Variants in OXA1L observed in about 807,000 individuals in gnomAD.
OXA1L encodes the protein OXA1L mitochondrial inner membrane insertase, also known as mitochondrial inner membrane protein OXA1L.
In OXA1L, 42 loss-of-function variants were observed where a neutral mutation model predicts 52.2. The observed-to-expected ratio is 0.80, with a 90% CI of 0.63 to 1.04. The LOEUF (loss-of-function observed/expected upper bound fraction) is 1.04. Among genes scored for constraint, OXA1L ranks in the 50% least tolerant of loss-of-function variants. The pLI, the probability that OXA1L is intolerant of heterozygous loss-of-function variation, is 0.00. For missense variants in OXA1L, 572 were observed against 555.0 expected, an observed-to-expected ratio of 1.03 and a Z score of -0.31; for synonymous variants, 239 against 201.9, an observed-to-expected ratio of 1.18 and a Z score of -1.56.
Position 22,766,750 on chromosome 14 carries a change from C to T in OXA1L, c.49C>T (p.Gln17Ter), listed in dbSNP as rs780999992. 3 of 1,614,260 alleles carry T rather than the reference C, an allele frequency of 1.9e-6. No homozygotes were observed. The South Asian group carries it at 3.3e-5, about 18-fold the overall frequency. ...CGRRELLRLL[Q>*]SGRRVHSVAG... ...ACGCCGGGAGCTTCTGCGCTTGCTA[C>T]AGTCCGGGCGTCGGGTAAGGATGCC... The change falls in exon 1 of 10, where the codon CAG becomes TAG. Residue 17 changes from glutamine (Q) to a stop codon, truncating the protein, a stop_gained. Transcript: ENST00000612549. LOFTEE classifies it high-confidence loss of function.
At chr14:22,769,706 C>T in intron 3 of OXA1L, 85 bp from the exon 4 acceptor site, 1 of 1,401,828 alleles carries the variant, frequency 7.1e-7, no homozygotes, top group South Asian at 1.2e-5. Context: ...AGAATAAGAC[C>T]CTTTCAGTAA....
chr14:22,771,243 G>C lies in OXA1L; in HGVS notation c.1103-25G>C, dbSNP rs748021968. On this transcript the variant is annotated intron_variant, in intron 8 of 9. Coordinates refer to ENST00000612549, the MANE Select transcript of OXA1L (RefSeq NM_005015.5). ...GGGGTCTAAAAATAGGAATGCAACT[G>C]ACTCTCTTGCTTCTCTTTACACAGG... is the stretch of plus-strand genomic sequence containing the variant. 11 of 1,613,318 alleles carry C rather than the reference G, an allele frequency of 6.8e-6. No homozygotes were observed. The East Asian group carries it at 2.5e-4, about 36-fold the overall frequency.
rs1212803888 is a variant in OXA1L, at chr14:22,772,396, GGAGAATGGC to G, written c.*840_*848del. 2.0e-5 allele frequency: 3 copies of G among 148,484 alleles called. No homozygotes were observed. Among genetic ancestry groups the G allele is most frequent in the African/African-American group, 7.5e-5 (3 of 39,938 alleles). 9.2% of individuals were successfully genotyped at this position (148,484 alleles called of 1,614,324 possible). On this transcript the variant is annotated 3_prime_UTR_variant, in exon 10 of 10. Transcript: ENST00000612549. ...CCCAGCTACTTGGGAGGCTGAGGCAGGAGAATGGCGTGAACCCAGGAGGCAGAGCTTGCA... is the reference window on the plus strand; with the variant it reads ...CCCAGCTACTTGGGAGGCTGAGGCAGGTGAACCCAGGAGGCAGAGCTTGCA...
In OXA1L at chr14:22,767,119, A is replaced by T. The variant is rs533659792; in HGVS notation, c.64-129A>T. On this transcript the variant is annotated intron_variant, in intron 1 of 9. Transcript: ENST00000612549. ...GGGCTAGCGGTCTGCGCGCGGTGAT[A>T]GCAATGTCCTCCCCTGTAGTGGCCG... The T allele has an allele frequency of 2.0e-6, 3 of 1,535,350 alleles. No individual in the cohort carries two copies. The East Asian group carries it at 7.2e-5, about 37-fold the overall frequency.
At position 22,772,509 on chromosome 14, in the gene OXA1L, A is replaced by C. The variant is rs1434277314; in HGVS notation, c.*951A>C. On this transcript the variant is annotated 3_prime_UTR_variant, in exon 10 of 10. Coordinates refer to ENST00000612549, the MANE Select transcript of OXA1L (RefSeq NM_005015.5). ...TTCTCAAAAAAAAAAAAAAAAAAAA[A>C]AAAAAAAAAACAGTTTAAACTTCCA... 1 of 107,954 alleles carries C rather than the reference A, an allele frequency of 9.3e-6. No homozygotes were observed. Among genetic ancestry groups the C allele is most frequent in the African/African-American group, 3.2e-5 (1 of 31,704 alleles). The allele number at this position is 107,954 out of a possible 1,614,324, so 6.7% of individuals were successfully genotyped here. A position where few individuals can be genotyped will look rare whatever the true frequency, so the allele number is the denominator to read the frequency against.
chr14:22,771,341 A>G lies in OXA1L; in HGVS notation c.1176A>G (p.Ala392=). ...GCATGCGGAATCAGTTGGAGCTAGC[A>G]GCCAGGGGTAAATAGTCCTTTCAGG... ...EQRMRNQLEL[A]ARGPLRQTFT... The change falls in exon 9 of 10, where the codon GCA becomes GCG. Residue 392 remains alanine, a synonymous_variant. Coordinates refer to ENST00000612549, the MANE Select transcript of OXA1L (RefSeq NM_005015.5). 1 of 1,614,216 alleles carries G rather than the reference A, an allele frequency of 6.2e-7. No homozygotes were observed. Among genetic ancestry groups the G allele is most frequent in the Non-Finnish European group, 8.5e-7 (1 of 1,179,996 alleles).
At chr14:22,768,314 C>A in intron 3 of OXA1L, 143 bp downstream of exon 3, 1 of 640,348 alleles carries the variant, frequency 1.6e-6, no homozygotes, top group South Asian at 1.8e-5. Flanking sequence ...TTCATGATAC[C>A]TAGATGCACT....
intron 1 of OXA1L, chr14:22,767,023 C>G (rs764420827): frequency 1.3e-6 from 2 of 1,535,866 alleles, no homozygotes; most frequent in East Asian, 2.4e-5. Flanking sequence ...CGATGTGGGT[C>G]TGCGATAACT....
Position 22,772,160 on chromosome 14 carries a change from A to G in OXA1L, c.*602A>G, listed in dbSNP as rs981129122. 6 of 152,300 alleles carry G rather than the reference A, an allele frequency of 3.9e-5. No individual in the cohort carries two copies. Among genetic ancestry groups the G allele is most frequent in the African/African-American group, 1.5e-4 (6 of 41,202 alleles). 9.4% of individuals were successfully genotyped at this position (152,300 alleles called of 1,614,324 possible). ...TGCTTTTGCTGGCCCATGGCCTTGG[A>G]AAATATAATGTTTTAACCTGGCATT... On this transcript the variant is annotated 3_prime_UTR_variant, in exon 10 of 10. Coordinates refer to ENST00000612549, the MANE Select transcript of OXA1L (RefSeq NM_005015.5).
In OXA1L at chr14:22,772,324, A is replaced by AATAC. The variant is rs1555319760; in HGVS notation, c.*767_*768insTACA. ...ATGGTGAAACCCCGTCTCTACTAAA[A>AATAC]AAAAAAAAAAAAAAATTAGCCGGGC... On this transcript the variant is annotated 3_prime_UTR_variant, in exon 10 of 10. Coordinates refer to ENST00000612549, the MANE Select transcript of OXA1L (RefSeq NM_005015.5). 6.9e-6 allele frequency: 1 copy of AATAC among 145,496 alleles called. No individual in the cohort carries two copies. Among genetic ancestry groups the AATAC allele is most frequent in the Non-Finnish European group, 1.5e-5 (1 of 65,764 alleles). 9.0% of individuals were successfully genotyped at this position (145,496 alleles called of 1,614,324 possible). A position where few individuals can be genotyped will look rare whatever the true frequency, so the allele number is the denominator to read the frequency against.
intron 1 of OXA1L, 135 bp downstream of exon 1, chr14:22,766,899 G>C: frequency 6.5e-7 from 1 of 1,528,428 alleles, no homozygotes; most frequent in Non-Finnish European, 8.7e-7. Flanking sequence ...CTCGGGTCAT[G>C]TGAGGACGCG....
rs1594938823 is a variant in OXA1L at position 22,770,200 on chromosome 14, G to A, written c.591G>A (p.Lys197=). ...KLAGDHIEYY[K]ASSEMALYQK... is the part of the protein sequence containing the mutation. ...TTTCCCCTCACCTCACAGATTACAAGGCTTCCTCGGAGATGGCACTTTACC... is the reference window on the plus strand; with the variant it reads ...TTTCCCCTCACCTCACAGATTACAAAGCTTCCTCGGAGATGGCACTTTACC... The change falls in exon 5 of 10, where the codon AAG becomes AAA. Residue 197 remains lysine (K), a synonymous_variant. Coordinates refer to ENST00000612549, the MANE Select transcript of OXA1L (RefSeq NM_005015.5). 6.2e-7 allele frequency: 1 copy of A among 1,607,788 alleles called. No individual in the cohort carries two copies. Among genetic ancestry groups the A allele is most frequent in the Non-Finnish European group, 8.5e-7 (1 of 1,174,308 alleles).
Position 22,767,982 on chromosome 14 carries a change from G to A in OXA1L, c.250G>A (p.Ala84Thr), listed in dbSNP as rs1163102912. ...VQVQAPPVVA[A>T]TPSPTAVPEV... is the part of the protein sequence containing the mutation. ...GGTTCAGGCCCCTCCTGTTGTTGCT[G>A]CAACTCCCTCACCCACAGCAGTACC... Residue 84 changes from alanine to threonine, a missense_variant, in exon 3 of 10, where the codon GCA becomes ACA. Physicochemically the swap from Ala to Thr is moderately conservative, Grantham distance 58. Transcript: ENST00000612549. 1.2e-6 allele frequency: 2 copies of A among 1,612,800 alleles called. No individual in the cohort carries two copies. The highest frequency in any genetic ancestry group is 1.7e-5 in the Admixed American group (1 of 60,006).
In OXA1L at chr14:22,766,747, C is replaced by G. The variant is rs757213684; in HGVS notation, c.46C>G (p.Leu16Val). ...MCGRRELLRLLQSGRRVHSVA... is the reference protein window; with the variant it reads ...MCGRRELLRLVQSGRRVHSVA... ...CGGACGCCGGGAGCTTCTGCGCTTG[C>G]TACAGTCCGGGCGTCGGGTAAGGAT... Residue 16 changes from leucine (L) to valine (V), a missense_variant, in exon 1 of 10, where the codon CTA (leucine) becomes GTA (valine). By Grantham distance (32) the Leu-to-Val change is conservative. Coordinates refer to ENST00000612549, the MANE Select transcript of OXA1L (RefSeq NM_005015.5). The G allele has an allele frequency of 1.2e-6, 2 of 1,614,236 alleles. No individual in the cohort carries two copies. The highest frequency in any genetic ancestry group is 1.7e-6 in the Non-Finnish European group (2 of 1,180,048).
chr14:22,769,094 C>G (rs769595313), intron 3 of OXA1L, among the ~76,000 whole-genome samples: 1 of 151,908 alleles, frequency 6.6e-6, no homozygotes, highest in East Asian at 1.9e-4. Context: ...CTAATTTTTA[C>G]GTTCTTTATT....
intron 2 of OXA1L, 36 bp downstream of exon 2, chr14:22,767,445 G>C (rs2038419061): frequency 2.6e-6 from 4 of 1,550,652 alleles, no homozygotes; most frequent in Non-Finnish European, 3.5e-6. Flanking sequence ...ATTAGGAGTG[G>C]TGTTTCCTGG....
intron 1 of OXA1L, 46 bp from the exon 2 acceptor site, chr14:22,767,202 C>T: frequency 2.5e-6 from 4 of 1,577,998 alleles, no homozygotes; most frequent in East Asian, 4.5e-5. Flanking sequence ...CACGCGAGGA[C>T]TTCTGCTCCC....
At chr14:22,768,500 G>T (rs1314654568) in intron 3 of OXA1L, 2 of 317,022 alleles carry the variant, frequency 6.3e-6, no homozygotes, top group East Asian at 1.4e-4. Flanking sequence ...AAATTGGGAA[G>T]CCACTAGCAT....
intron 8 of OXA1L, 26 bp downstream of exon 8, chr14:22,771,206 G>A: frequency 6.2e-7 from 1 of 1,613,296 alleles, no homozygotes; most frequent in Non-Finnish European, 8.5e-7. Context: ...CTGTGAAAAA[G>A]GACTAGGGAA....
Sources: allele counts gnomAD v4.1 joint callset (sites outside exome capture counted in the v4.1 genomes callset), GRCh38; gene constraint gnomAD v4.1.1; transcripts MANE v1.5; gene names NCBI Gene and HGNC (gene_info 2026-07-23, HGNC 2026-07-21).